CMTM7: variants seen among roughly 807,000 people sequenced by gnomAD.
The protein encoded by CMTM7 is CKLF-like MARVEL transmembrane domain-containing protein 7.
A neutral mutation model predicts 19.3 loss-of-function variants in CMTM7; 7 were observed. The observed-to-expected ratio is 0.36, with a 90% CI of 0.21 to 0.68. The LOEUF (loss-of-function observed/expected upper bound fraction) is 0.68, where lower values mean the gene tolerates loss of function less well. Ranked by LOEUF, CMTM7 falls within the 30% of genes least tolerant of loss-of-function variation. The probability of loss-of-function intolerance (pLI) is 0.60; values close to 1 mark genes in which losing one functional copy is unlikely to be tolerated. For missense variants in CMTM7, 193 were observed against 232.6 expected, an observed-to-expected ratio of 0.83 and a Z score of 1.11; for synonymous variants, 87 against 99.3, an observed-to-expected ratio of 0.88 and a Z score of 0.74.
chr3:32,402,636 C>T (rs1196089479), intron 1 of CMTM7, among the ~76,000 whole-genome samples: 1 of 152,138 alleles, frequency 6.6e-6, no homozygotes, highest in Non-Finnish European at 1.5e-5. Context: ...GATCTCGGCT[C>T]ACTGTAACCT....
chr3:32,438,476 G>T (rs989534002), intron 1 of CMTM7, among the ~76,000 whole-genome samples: 1 of 151,876 alleles, frequency 6.6e-6, no homozygotes, highest in Non-Finnish European at 1.5e-5. Flanking sequence ...TTTGATGTCA[G>T]TCAAATCTTT....
At chr3:32,410,581 G>T (rs916716993) in intron 1 of CMTM7, among the ~76,000 whole-genome samples, 9 of 152,146 alleles carry the variant, frequency 5.9e-5, no homozygotes, top group African/African-American at 1.9e-4. Flanking sequence ...TGGGGCCTGG[G>T]GCACATATCT....
intron 4 of CMTM7, 98 bp downstream of exon 4, chr3:32,452,571 G>A: frequency 7.9e-7 from 1 of 1,263,430 alleles, no homozygotes. Flanking sequence ...TGTTGAGAAG[G>A]CTGTGTTCCA....
chr3:32,400,985 A>G (rs11129521), intron 1 of CMTM7, among the ~76,000 whole-genome samples: 27,510 of 152,188 alleles, frequency 0.18, 3,061 homozygotes, highest in Non-Finnish European at 0.25. Flanking sequence ...GCTGGCATAA[A>G]ACAATTCTCT....
chr3:32,444,241 T>G (rs1312600263), intron 2 of CMTM7, among the ~76,000 whole-genome samples: 1 of 152,208 alleles, frequency 6.6e-6, no homozygotes, highest in Non-Finnish European at 1.5e-5. Context: ...GCATAGGGTG[T>G]GAGGTAAGGG....
chr3:32,405,249 T>C (rs1042722555), intron 1 of CMTM7, among the ~76,000 whole-genome samples: 1 of 152,228 alleles, frequency 6.6e-6, no homozygotes, highest in Non-Finnish European at 1.5e-5. Context: ...ATGAATGTTG[T>C]GTTAAGGTGC....
intron 2 of CMTM7, among the ~76,000 whole-genome samples, chr3:32,444,344 C>T (rs1453594777): frequency 6.6e-6 from 1 of 152,162 alleles, no homozygotes; most frequent in Admixed American, 6.5e-5. Flanking sequence ...GCATTGGCAC[C>T]CTTGTTGAAA....
At chr3:32,418,759 T>C (rs1446590684) in intron 1 of CMTM7, among the ~76,000 whole-genome samples, 1 of 152,214 alleles carries the variant, frequency 6.6e-6, no homozygotes, top group Non-Finnish European at 1.5e-5. Context: ...CGTCTATTTG[T>C]CTAAGCTTTC....
At chr3:32,442,134 C>T in intron 2 of CMTM7, 121 bp downstream of exon 2, 1 of 879,538 alleles carries the variant, frequency 1.1e-6, no homozygotes, top group Non-Finnish European at 1.8e-6. Flanking sequence ...TCTTTGCTGC[C>T]TCTGCCCTGA....
At chr3:32,433,268 A>C (rs1357941906) in intron 1 of CMTM7, among the ~76,000 whole-genome samples, 1 of 152,196 alleles carries the variant, frequency 6.6e-6, no homozygotes, top group Non-Finnish European at 1.5e-5. Flanking sequence ...GAACTTTCTA[A>C]ATGTGATCCT....
rs552705402 is a variant in CMTM7 at position 32,406,646 on chromosome 3, C to G, written c.159+14581C>G. Among the ~76,000 whole-genome samples, 7 of 152,204 alleles carry G rather than the reference C, an allele frequency of 4.6e-5. No homozygotes were observed. The East Asian group carries it at 1.4e-3, about 29-fold the overall frequency. On this transcript the variant is annotated intron_variant, in intron 1 of 4. Transcript: ENST00000334983. ...TAACTAGCATTTTTCTTAGTGTTTC[C>G]CAAGGTTCGTTACAGGGAGTGTTCA...
intron 1 of CMTM7, among the ~76,000 whole-genome samples, chr3:32,414,393 TA>T (rs1217172099): frequency 6.6e-6 from 1 of 152,202 alleles, no homozygotes; most frequent in African/African-American, 2.4e-5. Context: ...CATTTCTTAC[TA>T]AGGCTCCTTT....
At chr3:32,395,678 A>C (rs1302877330) in intron 1 of CMTM7, among the ~76,000 whole-genome samples, 1 of 152,236 alleles carries the variant, frequency 6.6e-6, no homozygotes, top group African/African-American at 2.4e-5. Flanking sequence ...TGGAACTCTG[A>C]TACAGTGCTG....
At position 32,432,145 on chromosome 3, in the gene CMTM7, G is replaced by T. The variant is rs116172846; in HGVS notation, c.160-9695G>T. ...TCTAGGTGATCTTCCTTGGGCAAGT[G>T]ACCTGCCCTTGGTTCTCACTTTCTT... On this transcript the variant is annotated intron_variant, in intron 1 of 4. Transcript: ENST00000334983. Among the ~76,000 whole-genome samples the T allele has an allele frequency of 9.4e-3, 1,426 of 152,336 alleles. 25 individuals are homozygous for T. Among genetic ancestry groups the T allele is most frequent in the African/African-American group, 0.033 (1,351 of 41,566 alleles).
intron 3 of CMTM7, chr3:32,451,990 C>T (rs909706860): frequency 5.1e-6 from 5 of 975,840 alleles, no homozygotes; most frequent in Admixed American, 2.3e-5. Context: ...AACGCCACTA[C>T]ACCACAAATC....
intron 1 of CMTM7, among the ~76,000 whole-genome samples, chr3:32,397,381 T>G (rs1056402049): frequency 6.6e-6 from 1 of 152,054 alleles, no homozygotes; most frequent in African/African-American, 2.4e-5. Flanking sequence ...AAGAATACTT[T>G]TTCTTCTTGA....
chr3:32,446,369 TTCTC>T (rs924401651), intron 2 of CMTM7, among the ~76,000 whole-genome samples: 8 of 152,186 alleles, frequency 5.3e-5, no homozygotes, highest in Non-Finnish European at 1.2e-4. Context: ...CGTTTGCATC[TTCTC>T]TCTCTCTTTC....
chr3:32,421,661 A>G (rs1696346244), intron 1 of CMTM7, among the ~76,000 whole-genome samples: 1 of 152,146 alleles, frequency 6.6e-6, no homozygotes, highest in Non-Finnish European at 1.5e-5. Flanking sequence ...ACCCTTTAGG[A>G]CAGGGTCCGT....
chr3:32,435,986 C>G (rs1199506683), intron 1 of CMTM7, among the ~76,000 whole-genome samples: 2 of 152,184 alleles, frequency 1.3e-5, no homozygotes, highest in Admixed American at 1.3e-4. Flanking sequence ...TCCAGAATTA[C>G]CCCCAGCATG....
Sources: gnomAD v4.1 joint callset for allele counts (sites outside exome capture counted in the v4.1 genomes callset) on GRCh38, gnomAD v4.1.1 for gene constraint, MANE v1.5 for transcripts, NCBI Gene and HGNC (gene_info 2026-07-23, HGNC 2026-07-21) for gene names.